PIP5K1B: variants seen among roughly 807,000 people sequenced by gnomAD.
PIP5K1B encodes the protein phosphatidylinositol-4-phosphate 5-kinase type 1 beta.
A neutral mutation model predicts 67.0 loss-of-function variants in PIP5K1B; 42 were observed. The observed-to-expected ratio is 0.63, with a 90% confidence interval of 0.49 to 0.81. The LOEUF (loss-of-function observed/expected upper bound fraction) is 0.81, where lower values mean the gene tolerates loss of function less well. Ranked by LOEUF, PIP5K1B falls within the 30% of genes least tolerant of loss-of-function variation. The pLI, the probability that PIP5K1B is intolerant of heterozygous loss-of-function variation, is 0.00. For synonymous variants in PIP5K1B, 214 were observed against 231.4 expected (o/e 0.92, Z 0.68); for missense variants, 459 against 646.3 (o/e 0.71, Z 3.14).
At chr9:68,949,665 A>G (rs920823033) in intron 14 of PIP5K1B, among the ~76,000 whole-genome samples, 3 of 152,268 alleles carry the variant, frequency 2.0e-5, no homozygotes, top group African/African-American at 7.2e-5. Flanking sequence ...GTGTTAAAAG[A>G]AAAAGTTCAG....
chr9:68,821,311 C>T (rs1389617983), intron 3 of PIP5K1B, among the ~76,000 whole-genome samples: 1 of 152,078 alleles, frequency 6.6e-6, no homozygotes, highest in East Asian at 1.9e-4. Context: ...ATGCACTTGG[C>T]AAGCAATTAA....
chr9:68,808,574 C>T (rs766306964), intron 2 of PIP5K1B, among the ~76,000 whole-genome samples: 10 of 152,270 alleles, frequency 6.6e-5, no homozygotes, highest in African/African-American at 1.9e-4. Flanking sequence ...TTTTCACTGG[C>T]GACTTTCTTC....
chr9:68,992,729 A>C (rs1830432078), intron 15 of PIP5K1B, among the ~76,000 whole-genome samples: 1 of 149,586 alleles, frequency 6.7e-6, no homozygotes, highest in Admixed American at 6.8e-5. Context: ...AGTCCCAGCT[A>C]CTTAGGAGGC....
At chr9:68,889,529 T>C (rs532723604) in intron 7 of PIP5K1B, among the ~76,000 whole-genome samples, 1 of 151,476 alleles carries the variant, frequency 6.6e-6, no homozygotes, top group South Asian at 2.1e-4. Flanking sequence ...GGTCAGGAGA[T>C]TAAGACCATC....
At chr9:68,979,467 C>T (rs80201555) in intron 14 of PIP5K1B, among the ~76,000 whole-genome samples, 5,239 of 116,408 alleles carry the variant, frequency 0.045, 288 homozygotes, top group African/African-American at 0.14. Flanking sequence ...TAGCGATATA[C>T]GGTGAAAAAG....
At chr9:68,745,869 T>C (rs916574472) in intron 2 of PIP5K1B, among the ~76,000 whole-genome samples, 1 of 152,220 alleles carries the variant, frequency 6.6e-6, no homozygotes, top group Non-Finnish European at 1.5e-5. Flanking sequence ...AATGATAACG[T>C]TTCCAAATAA....
intron 2 of PIP5K1B, among the ~76,000 whole-genome samples, chr9:68,757,671 T>G (rs1049383919): frequency 1.3e-5 from 2 of 152,176 alleles, no homozygotes; most frequent in African/African-American, 4.8e-5. Context: ...AATATGTGAT[T>G]TTAAAATTAT....
At chr9:68,781,134 C>G in intron 2 of PIP5K1B, 1 of 1,434,454 alleles carries the variant, frequency 7.0e-7, no homozygotes, top group East Asian at 2.3e-5. Context: ...CTATTTGACC[C>G]CTTTTCTTTT....
At chr9:68,967,951 C>A (rs79623252) in intron 14 of PIP5K1B, among the ~76,000 whole-genome samples, 3 of 151,974 alleles carry the variant, frequency 2.0e-5, no homozygotes, top group Non-Finnish European at 4.4e-5. Context: ...GATTGCTCCC[C>A]AAAACCCAGT....
At chr9:68,771,936 G>A (rs1830688503) in intron 2 of PIP5K1B, among the ~76,000 whole-genome samples, 1 of 152,190 alleles carries the variant, frequency 6.6e-6, no homozygotes. Flanking sequence ...TTTGTATGAG[G>A]TAGGAGGAAT....
chr9:68,976,429 A>G lies in PIP5K1B; in HGVS notation c.1503-14711A>G, dbSNP rs145949717. Among the ~76,000 whole-genome samples, 4 of 152,306 alleles carry G rather than the reference A, an allele frequency of 2.6e-5. No individual in the cohort carries two copies. In the East Asian group the frequency reaches 7.7e-4, roughly 29 times the overall value. ...AGAAGGGAACTGTGGAGTACAGGAAAATTCAATGTCTTACCCAAATACAGT... is the reference window on the plus strand; with the variant it reads ...AGAAGGGAACTGTGGAGTACAGGAAGATTCAATGTCTTACCCAAATACAGT... On this transcript the variant is annotated intron_variant, in intron 14 of 15. Transcript: ENST00000265382.
At chr9:68,821,843 A>G (rs1047286494) in intron 3 of PIP5K1B, among the ~76,000 whole-genome samples, 6 of 152,256 alleles carry the variant, frequency 3.9e-5, no homozygotes, top group African/African-American at 1.4e-4. Context: ...TGACTAAAGT[A>G]TTAACACACA....
At chr9:68,805,725 T>C (rs961734740) in intron 2 of PIP5K1B, among the ~76,000 whole-genome samples, 6 of 152,064 alleles carry the variant, frequency 3.9e-5, no homozygotes, top group African/African-American at 1.2e-4. Flanking sequence ...CAAGTGGAGA[T>C]TGGAGCAATG....
intron 1 of PIP5K1B, among the ~76,000 whole-genome samples, chr9:68,730,534 C>T (rs914269756): frequency 3.9e-5 from 6 of 152,170 alleles, no homozygotes; most frequent in Admixed American, 6.5e-5. Context: ...TCTGTTATCG[C>T]GGCCCATATC....
Position 68,980,581 on chromosome 9 carries a change from C to G in PIP5K1B, c.1503-10559C>G, listed in dbSNP as rs370873094. On this transcript the variant is annotated intron_variant, in intron 14 of 15. Transcript: ENST00000265382. ...TGCTTATCCCAAAGAGCTTTACCCT[C>G]TCTTGGCCTTTCTTTCTCTTGTACT... 9.8e-4 allele frequency among the ~76,000 whole-genome samples: 150 copies of G among 152,340 alleles called. 2 individuals are homozygous for G. The highest frequency in any genetic ancestry group is 6.8e-3 in the Middle Eastern group (2 of 294).
At chr9:68,754,175 C>CTTTTGTTTTTTTTTTTTT (rs1829792708) in intron 2 of PIP5K1B, among the ~76,000 whole-genome samples, 2 of 101,070 alleles carry the variant, frequency 2.0e-5, no homozygotes, top group South Asian at 6.9e-4. Context: ...TCCATGATTT[C>CTTTTGTTTTTTTTTTTTT]TTTTTTTTTT....
At chr9:68,904,748 A>G (rs1466861103) in intron 8 of PIP5K1B, among the ~76,000 whole-genome samples, 3 of 112,270 alleles carry the variant, frequency 2.7e-5, no homozygotes, top group Non-Finnish European at 5.7e-5. Flanking sequence ...TTATCAAGTC[A>G]GTAGTTTGCT....
intron 2 of PIP5K1B, among the ~76,000 whole-genome samples, chr9:68,750,907 C>T (rs1178499295): frequency 1.3e-5 from 2 of 152,156 alleles, no homozygotes; most frequent in East Asian, 3.8e-4. Context: ...GTTGATGCAC[C>T]TCTGCTGATG....
chr9:68,745,464 G>A (rs955008290), intron 2 of PIP5K1B, among the ~76,000 whole-genome samples: 11 of 152,182 alleles, frequency 7.2e-5, no homozygotes, highest in Admixed American at 2.0e-4. Flanking sequence ...CCATCTTAGC[G>A]GCTTGTTTGA....
Sources: allele counts gnomAD v4.1 joint callset (sites outside exome capture counted in the v4.1 genomes callset), GRCh38; gene constraint gnomAD v4.1.1; transcripts MANE v1.5; gene names NCBI Gene and HGNC (gene_info 2026-07-23, HGNC 2026-07-21).